Variants in ME2 observed in about 807,000 individuals in gnomAD.
ME2 encodes the protein malic enzyme 2, also known as NAD-dependent malic enzyme, mitochondrial.
A neutral mutation model predicts 73.7 loss-of-function variants in ME2; 60 were observed. The ratio of observed to expected loss-of-function variants is 0.81; its 90% confidence interval spans 0.66 to 1.01. ME2 has a LOEUF of 1.01. Ranked by LOEUF, ME2 falls within the 50% of genes least tolerant of loss-of-function variation. The pLI is 0.00. For missense variants in ME2, 594 were observed against 705.5 expected (o/e 0.84, Z 1.79); for synonymous variants, 199 against 236.9 (o/e 0.84, Z 1.47).
In ME2 at chr18:50,924,108, C is replaced by CAAA. The variant is rs763980634; in HGVS notation, c.1070_1072dup (p.Lys357dup). 2 of 1,607,284 alleles carry CAAA rather than the reference C, an allele frequency of 1.2e-6. No individual in the cohort carries two copies. Among genetic ancestry groups the CAAA allele is most frequent in the South Asian group, 2.2e-5 (2 of 89,308 alleles). On this transcript the variant is annotated inframe_insertion, in exon 11 of 16. Transcript: ENST00000321341. ...TATCTCAAAATTTAGGGACGGAAAG[C>CAAA]AAAAATAGATAGTTATCAGGAACCA... is the stretch of plus-strand genomic sequence containing the variant.
chr18:50,940,679 G>A (rs1917927549), intron 15 of ME2, among the ~76,000 whole-genome samples: 1 of 152,144 alleles, frequency 6.6e-6, no homozygotes, highest in Non-Finnish European at 1.5e-5. Flanking sequence ...TGCCCAGGCT[G>A]GTCTCTAACC....
intron 13 of ME2, chr18:50,935,514 G>A (rs1917795012): frequency 6.6e-6 from 1 of 151,678 alleles, no homozygotes. Context: ...AGACCAAGGT[G>A]GAAGAATTGC....
intron 4 of ME2, 78 bp downstream of exon 4, chr18:50,913,028 C>A: frequency 3.9e-6 from 5 of 1,278,262 alleles, no homozygotes; most frequent in Non-Finnish European, 5.3e-6. Flanking sequence ...CATTACATTT[C>A]TATTTTATGT....
chr18:50,924,234 A>G, intron 11 of ME2, 22 bp downstream of exon 11: 1 of 1,499,074 alleles, frequency 6.7e-7, no homozygotes, highest in Non-Finnish European at 9.2e-7. Context: ...TTTTCTGATA[A>G]ATAATTTTAC....
At chr18:50,900,352 T>C (rs1222618305) in intron 2 of ME2, among the ~76,000 whole-genome samples, 1 of 151,886 alleles carries the variant, frequency 6.6e-6, no homozygotes, top group Non-Finnish European at 1.5e-5. Flanking sequence ...TGGAGTGCAG[T>C]GGCGTGATCT....
In ME2 at chr18:50,920,499, C is replaced by A. The variant is rs1484263861; in HGVS notation, c.778C>A (p.His260Asn). The change falls in exon 8 of 16, where the codon CAT (histidine) becomes AAT (asparagine). Residue 260 changes from histidine (H) to asparagine (N), a missense_variant. His to Asn is a moderately conservative substitution (Grantham distance 68). Transcript: ENST00000321341. ...CATTCAGTTCGAAGACTTTGGAAAT[C>A]ATAATGCATTCAGGTTCTTGAGAAA... ...TLIQFEDFGN[H>N]NAFRFLRKYR... 2 of 1,600,916 alleles carry A rather than the reference C, an allele frequency of 1.2e-6. No homozygotes were observed. Among genetic ancestry groups the A allele is most frequent in the Non-Finnish European group, 1.7e-6 (2 of 1,177,116 alleles).
At chr18:50,942,462 T>A (rs1917987292) in intron 15 of ME2, among the ~76,000 whole-genome samples, 1 of 152,164 alleles carries the variant, frequency 6.6e-6, no homozygotes, top group Admixed American at 6.5e-5. Flanking sequence ...GTATCTGCTT[T>A]TTTAATTTTA....
intron 10 of ME2, among the ~76,000 whole-genome samples, chr18:50,922,538 CAGTT>C (rs1175844241): frequency 4.6e-5 from 7 of 152,208 alleles, no homozygotes; most frequent in Non-Finnish European, 8.8e-5. Context: ...GACTAGTACA[CAGTT>C]AGTTTGGTAC....
chr18:50,890,878 C>T (rs1459708055), intron 1 of ME2, among the ~76,000 whole-genome samples: 4 of 152,178 alleles, frequency 2.6e-5, no homozygotes, highest in Non-Finnish European at 5.9e-5. Context: ...GAGGACCCAA[C>T]CCCTTCTAGC....
rs1918271824 is a variant in ME2 at position 50,953,876 on chromosome 18, T to G, written c.*6692T>G. The G allele has an allele frequency of 6.6e-6, 1 of 152,236 alleles. No homozygotes were observed. Among genetic ancestry groups the G allele is most frequent in the African/African-American group, 2.4e-5 (1 of 41,458 alleles). The allele number at this position is 152,236 out of a possible 1,614,324, so 9.4% of individuals were successfully genotyped here. ...ATGTCTGCCCAATGTTTTATTATAC[T>G]TTGTCTAATGACCTTTAAATTTAAC... On this transcript the variant is annotated 3_prime_UTR_variant, in exon 16 of 16. Transcript: ENST00000321341.
chr18:50,881,906 A>G (rs1487468812), intron 1 of ME2, among the ~76,000 whole-genome samples: 1 of 152,216 alleles, frequency 6.6e-6, no homozygotes, highest in Non-Finnish European at 1.5e-5. Context: ...TTGTAGTTTA[A>G]CGTTCCCATT....
At chr18:50,894,854 G>GCACACA (rs1916696488) in intron 1 of ME2, among the ~76,000 whole-genome samples, 1 of 148,948 alleles carries the variant, frequency 6.7e-6, no homozygotes, top group African/African-American at 2.5e-5. Flanking sequence ...TCCAGCCTGG[G>GCACACA]CAACAGAGCG....
rs1291498863 is a variant in ME2, at chr18:50,948,553, T to G, written c.*1369T>G. The G allele has an allele frequency of 1.4e-5, 2 of 147,470 alleles. No homozygotes were observed. Among genetic ancestry groups the G allele is most frequent in the East Asian group, 3.9e-4 (2 of 5,100 alleles). The allele number at this position is 147,470 out of a possible 1,614,324, so 9.1% of individuals were successfully genotyped here. A position where few individuals can be genotyped will look rare whatever the true frequency, so the allele number is the denominator to read the frequency against. On this transcript the variant is annotated 3_prime_UTR_variant, in exon 16 of 16. Transcript: ENST00000321341. ...ATACAAATTGATTCTTTTTTTTTTT[T>G]TTTTTTTTTGAGACAGAGTCTCACT...
chr18:50,916,259 C>A lies in ME2; in HGVS notation c.468+16C>A. Reference sequence around the variant, plus strand: ...TCATGTTAAGGTACTAATAGCACAACCCTCCTTTTCACAATGTTTTCTCTT... The same window carrying A: ...TCATGTTAAGGTACTAATAGCACAAACCTCCTTTTCACAATGTTTTCTCTT... On this transcript the variant is annotated intron_variant, in intron 5 of 15. Coordinates refer to ENST00000321341, the MANE Select transcript of ME2 (RefSeq NM_002396.5). 12 of 1,572,422 alleles carry A rather than the reference C, an allele frequency of 7.6e-6. No homozygotes were observed. Among genetic ancestry groups the A allele is most frequent in the Non-Finnish European group, 9.6e-6 (11 of 1,146,746 alleles).
chr18:50,944,267 C>T (rs1918032399), intron 15 of ME2, among the ~76,000 whole-genome samples: 1 of 152,132 alleles, frequency 6.6e-6, no homozygotes, highest in Non-Finnish European at 1.5e-5. Context: ...AGAGGTAGTA[C>T]ATGAGGTCAT....
At chr18:50,917,535 T>A (rs994585323) in intron 6 of ME2, 27 bp downstream of exon 6, 2 of 1,494,254 alleles carry the variant, frequency 1.3e-6, no homozygotes, top group Admixed American at 3.6e-5. Context: ...TCCCCCTTTA[T>A]CTTCCTCCTG....
intron 1 of ME2, among the ~76,000 whole-genome samples, chr18:50,890,042 A>G (rs1916568267): frequency 6.6e-6 from 1 of 152,166 alleles, no homozygotes; most frequent in Non-Finnish European, 1.5e-5. Flanking sequence ...AGCTGAAGTG[A>G]TTTCAAAAAT....
At chr18:50,880,589 G>T (rs1916294537) in intron 1 of ME2, among the ~76,000 whole-genome samples, 1 of 152,170 alleles carries the variant, frequency 6.6e-6, no homozygotes. Flanking sequence ...GCTAATTTTT[G>T]TAATTTTAAT....
At chr18:50,913,928 T>A (rs1917225364) in intron 4 of ME2, among the ~76,000 whole-genome samples, 1 of 151,734 alleles carries the variant, frequency 6.6e-6, no homozygotes. Flanking sequence ...TTCTTATTCC[T>A]CTAATCCATT....
Sources: allele counts gnomAD v4.1 joint callset (sites outside exome capture counted in the v4.1 genomes callset), GRCh38; gene constraint gnomAD v4.1.1; transcripts MANE v1.5; gene names NCBI Gene and HGNC (gene_info 2026-07-23, HGNC 2026-07-21).